CFTR: variants seen among roughly 807,000 people sequenced by gnomAD.
The protein encoded by CFTR is CF transmembrane conductance regulator.
A neutral mutation model predicts 171.6 loss-of-function variants in CFTR; 181 were observed. That is an observed-to-expected ratio of 1.05 (90% CI 0.93 to 1.19). The LOEUF (loss-of-function observed/expected upper bound fraction) is 1.19. Ranked by LOEUF, CFTR falls within the 50% of genes most tolerant of loss-of-function variation. CFTR has a pLI of 0.00. For missense variants in CFTR, 1,968 were observed against 1,734.7 expected (o/e 1.13, Z -2.39); for synonymous variants, 583 against 608.0 (o/e 0.96, Z 0.60).
intron 1 of CFTR, among the ~76,000 whole-genome samples, chr7:117,493,359 G>GA (rs556683713): frequency 0.011 from 1,618 of 151,830 alleles, 23 homozygotes; most frequent in African/African-American, 0.037. Flanking sequence ...TTGCTTTTAT[G>GA]AAAAAAAAGA....
chr7:117,525,970 CCTA>C (rs1177870529), intron 3 of CFTR, among the ~76,000 whole-genome samples: 1 of 148,342 alleles, frequency 6.7e-6, no homozygotes, highest in African/African-American at 2.5e-5. Context: ...GCAGTTTCTT[CCTA>C]GTCTCGATGG....
chr7:117,590,447 C>G lies in CFTR; in HGVS notation c.1766+8C>G, dbSNP rs1474138131. 3.0e-5 allele frequency: 48 copies of G among 1,596,804 alleles called. No homozygotes were observed. Among genetic ancestry groups the G allele is most frequent in the Non-Finnish European group, 4.1e-5 (48 of 1,168,350 alleles). ...AAAAGAAATATTTGAAAGGTATGTTCTTTGAATACCTTACTTATAATGCTC... is the reference window on the plus strand; with the variant it reads ...AAAAGAAATATTTGAAAGGTATGTTGTTTGAATACCTTACTTATAATGCTC... On this transcript the variant is annotated splice_region_variant and intron_variant, in intron 13 of 26. Transcript: ENST00000003084.
intron 22 of CFTR, among the ~76,000 whole-genome samples, chr7:117,637,538 C>T (rs535626729): frequency 6.6e-6 from 1 of 152,130 alleles, no homozygotes; most frequent in South Asian, 2.1e-4. Flanking sequence ...ATAGGTTAGG[C>T]ATGGTAAAAT....
chr7:117,480,721 T>G (rs35091062), intron 1 of CFTR, among the ~76,000 whole-genome samples: 2,999 of 152,296 alleles, frequency 0.02, 75 homozygotes, highest in Non-Finnish European at 0.021. Flanking sequence ...GAAATATTTA[T>G]TTTGAAAAAA....
In CFTR at chr7:117,587,731, G is replaced by T. The variant is rs193922503; in HGVS notation, c.1585-8G>T. The stretch of plus-strand genomic sequence containing the variant: ...AGTGACTCTCTAATTTTCTATTTTT[G>T]GTAATAGGACATCTCCAAGTTTGCA... On this transcript the variant is annotated splice_polypyrimidine_tract_variant and splice_region_variant and intron_variant, in intron 11 of 26. Coordinates refer to ENST00000003084, the MANE Select transcript of CFTR (RefSeq NM_000492.4). 6.4e-7 allele frequency: 1 copy of T among 1,553,448 alleles called. No homozygotes were observed. The highest frequency in any genetic ancestry group is 1.1e-5 in the South Asian group (1 of 89,892).
chr7:117,544,778 C>A (rs1196095830), intron 9 of CFTR, among the ~76,000 whole-genome samples: 1 of 152,256 alleles, frequency 6.6e-6, no homozygotes, highest in Non-Finnish European at 1.5e-5. Context: ...GCTGTCAAGG[C>A]TGTTCTCACT....
intron 3 of CFTR, among the ~76,000 whole-genome samples, chr7:117,513,461 A>C (rs1322122174): frequency 1.3e-5 from 2 of 151,926 alleles, no homozygotes; most frequent in Non-Finnish European, 2.9e-5. Context: ...AGGTCTAGAA[A>C]GGGAGAGCCT....
Position 117,530,823 on chromosome 7 carries a change from G to T in CFTR, c.274-76G>T, listed in dbSNP as rs1798846707. On this transcript the variant is annotated intron_variant, in intron 3 of 26. Transcript: ENST00000003084. ...TTTAAGTCTCCTCTAAAGATGAAAAGTCTTGTGTTGAAATTCTCAGGGTAT... is the reference window on the plus strand; with the variant it reads ...TTTAAGTCTCCTCTAAAGATGAAAATTCTTGTGTTGAAATTCTCAGGGTAT... 3.1e-6 allele frequency: 3 copies of T among 977,590 alleles called. No individual in the cohort carries two copies. The East Asian group carries it at 7.6e-5, about 25-fold the overall frequency. The allele number at this position is 977,590 out of a possible 1,614,324, so 60.6% of individuals were successfully genotyped here. A position where few individuals can be genotyped will look rare whatever the true frequency, so the allele number is the denominator to read the frequency against.
intron 15 of CFTR, 86 bp from the exon 16 acceptor site, chr7:117,602,740 T>G: frequency 9.6e-7 from 1 of 1,036,864 alleles, no homozygotes; most frequent in Non-Finnish European, 1.5e-6. Context: ...ACACATCAAA[T>G]GGTGTGATGT....
Position 117,540,304 on chromosome 7 carries a change from A to C in CFTR, c.1074A>C (p.Val358=). 1 of 1,614,038 alleles carries C rather than the reference A, an allele frequency of 6.2e-7. No homozygotes were observed. Among genetic ancestry groups the C allele is most frequent in the Non-Finnish European group, 8.5e-7 (1 of 1,179,892 alleles). ...MAVTRQFPWA[V]QTWYDSLGAI... ...TCACTCGGCAATTTCCCTGGGCTGT[A>C]CAAACATGGTATGACTCTCTTGGAG... is the stretch of plus-strand genomic sequence containing the variant. The change falls in exon 8 of 27, where the codon GTA becomes GTC. Residue 358 remains valine (V), a synonymous_variant. Transcript: ENST00000003084.
Position 117,664,834 on chromosome 7 carries a change from T to A in CFTR, c.4110T>A (p.Asp1370Glu). Reference protein sequence around the residue: ...VLSKAKILLLDEPSAHLDPVT... With the variant: ...VLSKAKILLLEEPSAHLDPVT... ...GTAAGGCGAAGATCTTGCTGCTTGA[T>A]GAACCCAGTGCTCATTTGGATCCAG... Residue 1370 changes from aspartate to glutamate, a missense_variant, in exon 25 of 27, where the codon GAT (aspartate) becomes GAA (glutamate). Physicochemically the swap from Asp to Glu is conservative, Grantham distance 45. Transcript: ENST00000003084. 1 of 1,614,036 alleles carries A rather than the reference T, an allele frequency of 6.2e-7. No individual in the cohort carries two copies. The highest frequency in any genetic ancestry group is 8.5e-7 in the Non-Finnish European group (1 of 1,179,906).
chr7:117,629,125 C>T (rs1165007170), intron 22 of CFTR, among the ~76,000 whole-genome samples: 2 of 152,026 alleles, frequency 1.3e-5, no homozygotes, highest in Admixed American at 1.3e-4. Flanking sequence ...AGAGATGTAG[C>T]AAAATGAGAA....
At chr7:117,658,754 G>T (rs1458758811) in intron 24 of CFTR, among the ~76,000 whole-genome samples, 1 of 152,132 alleles carries the variant, frequency 6.6e-6, no homozygotes, top group Non-Finnish European at 1.5e-5. Context: ...TCCCTGGGGA[G>T]TATCTGAAAT....
intron 1 of CFTR, among the ~76,000 whole-genome samples, chr7:117,499,429 C>CTGTGTGTGTGTGTGTG (rs56985019): frequency 0.018 from 2,480 of 135,888 alleles, 55 homozygotes; most frequent in African/African-American, 0.046. Flanking sequence ...ATAGTTTCAT[C>CTGTGTGTGTGTGTGTG]TGTGTGTGTG....
chr7:117,627,898 A>C, intron 22 of CFTR, 128 bp downstream of exon 22: 1 of 986,022 alleles, frequency 1.0e-6, no homozygotes, highest in Non-Finnish European at 1.6e-6. Flanking sequence ...TATTAAACAC[A>C]CATGTTTTAT....
chr7:117,499,904 T>C (rs570593358), intron 1 of CFTR, among the ~76,000 whole-genome samples: 20 of 152,226 alleles, frequency 1.3e-4, no homozygotes, highest in Admixed American at 1.2e-3. Context: ...GTAGTGGCTA[T>C]GAATGGAGGT....
chr7:117,639,512 T>C (rs1792879519), intron 22 of CFTR, among the ~76,000 whole-genome samples: 1 of 152,196 alleles, frequency 6.6e-6, no homozygotes. Flanking sequence ...TGGTATATTG[T>C]ATATATCACA....
intron 11 of CFTR, among the ~76,000 whole-genome samples, chr7:117,573,059 G>GCT (rs201586646): frequency 1.1e-4 from 10 of 87,306 alleles, no homozygotes; most frequent in Non-Finnish European, 1.6e-4. Context: ...TCTCTCTCTT[G>GCT]CTCTCTCTCT....
intron 5 of CFTR, 61 bp downstream of exon 5, chr7:117,534,426 G>A: frequency 1.1e-6 from 1 of 941,636 alleles, no homozygotes; most frequent in Middle Eastern, 2.1e-4. Context: ...AACTGGAAAG[G>A]CGGAGTTTTC....
Sources: gnomAD v4.1 joint callset for allele counts (sites outside exome capture counted in the v4.1 genomes callset) on GRCh38, gnomAD v4.1.1 for gene constraint, MANE v1.5 for transcripts, NCBI Gene and HGNC (gene_info 2026-07-23, HGNC 2026-07-21) for gene names.